The following PTPRS variants were observed in gnomAD, a reference collection of about 807,000 sequenced individuals.
PTPRS encodes the protein protein tyrosine phosphatase receptor type S.
Under a neutral mutation model 215.3 loss-of-function variants are expected in PTPRS, and 63 were observed. The observed-to-expected ratio is 0.29, with a 90% CI of 0.24 to 0.36. The LOEUF is 0.36. PTPRS is among the 10% of genes least tolerant of loss of function. The pLI is 1.00. For synonymous variants in PTPRS, 1,404 were observed against 1,191.4 expected, an observed-to-expected ratio of 1.18 and a Z score of -3.68; for missense variants, 2,258 against 2,825.8, an observed-to-expected ratio of 0.80 and a Z score of 4.56.
In PTPRS at chr19:5,223,106, G is replaced by A. The variant is rs550128751; in HGVS notation, c.2686C>T (p.His896Tyr). ...SEDRYTASGV[H>Y]KGATYVFRLA... Reference sequence around the variant, plus strand: ...CGGAACACATACGTGGCCCCCTTGTGCACGCCTGATGCCGTGTAGCGGTCC... The same window carrying A: ...CGGAACACATACGTGGCCCCCTTGTACACGCCTGATGCCGTGTAGCGGTCC... Residue 896 changes from histidine (H) to tyrosine (Y), a missense_variant, in exon 18 of 38, where the codon CAC becomes TAC. Physicochemically the swap from His to Tyr is moderately conservative, Grantham distance 83 (BLOSUM62 2). This residue lies in a region of PTPRS where 361 missense variants were observed against 332.6 expected (regional missense o/e 1.09). Coordinates refer to ENST00000262963, the MANE Select transcript of PTPRS (RefSeq NM_002850.4). 21 of 1,566,696 alleles carry A rather than the reference G, an allele frequency of 1.3e-5. 2 individuals are homozygous for A. The South Asian group carries it at 1.8e-4, about 13-fold the overall frequency.
rs1426252388 is a variant in PTPRS, at chr19:5,294,006, A to G, written c.-94-7772T>C. Among the ~76,000 whole-genome samples the G allele has an allele frequency of 6.6e-6, 1 of 152,114 alleles. No individual in the cohort carries two copies. Among genetic ancestry groups the G allele is most frequent in the Non-Finnish European group, 1.5e-5 (1 of 68,004 alleles). ...CGTTGCGCCCGGGGTGCGGGTTTGA[A>G]AACTCCACCGGAGGGGCCCGGAATG... On this transcript the variant is annotated intron_variant, in intron 1 of 37. Coordinates refer to ENST00000262963, the MANE Select transcript of PTPRS (RefSeq NM_002850.4). This position sits in a 1 kb window ranked among gnomAD's most constrained non-coding sequence, Gnocchi z 5.1.
At chr19:5,256,845 T>A (rs1219650184) in intron 8 of PTPRS, among the ~76,000 whole-genome samples, 7 of 151,706 alleles carry the variant, frequency 4.6e-5, no homozygotes, top group Non-Finnish European at 7.4e-5. Context: ...GTGCTGTGGA[T>A]GGTAGGGACG....
rs149684985 is a variant in PTPRS at position 5,278,207 on chromosome 19, G to C, written c.92-3863C>G. ...CCAAAAAAAAAAAAAAAAGGGAGTG[G>C]GGGGTGGGGGAAAGGATGCTTTTTT... On this transcript the variant is annotated intron_variant, in intron 2 of 37. Transcript: ENST00000262963. 4.2e-3 allele frequency: 1,585 copies of C among 379,222 alleles called. 44 individuals are homozygous for C. The highest frequency in any genetic ancestry group is 0.016 in the East Asian group (294 of 18,808). The allele number at this position is 379,222 out of a possible 1,614,324, so 23.5% of individuals were successfully genotyped here. A position where few individuals can be genotyped will look rare whatever the true frequency, so the allele number is the denominator to read the frequency against.
intron 1 of PTPRS, among the ~76,000 whole-genome samples, chr19:5,305,438 T>C (rs577395627): frequency 2.0e-5 from 3 of 152,078 alleles, no homozygotes; most frequent in Non-Finnish European, 4.4e-5. Context: ...TTGTAGCTAC[T>C]CAGGAGGCTG....
chr19:5,239,408 TAGAG>T (rs772597210), intron 12 of PTPRS, among the ~76,000 whole-genome samples: 1 of 123,514 alleles, frequency 8.1e-6, no homozygotes, highest in African/African-American at 3.2e-5. Flanking sequence ...GTGACAGAGA[TAGAG>T]ACAGAGAAAC....
intron 12 of PTPRS, among the ~76,000 whole-genome samples, chr19:5,239,714 G>A (rs1158059790): frequency 6.6e-6 from 1 of 151,410 alleles, no homozygotes; most frequent in Non-Finnish European, 1.5e-5. Flanking sequence ...AATAGAGAGA[G>A]AGGAGAAAGA....
chr19:5,253,315 T>C (rs1040512366), intron 9 of PTPRS, among the ~76,000 whole-genome samples: 1 of 152,182 alleles, frequency 6.6e-6, no homozygotes, highest in Non-Finnish European at 1.5e-5. Context: ...CAGCCAAAGC[T>C]GGAGATCTGT....
chr19:5,211,268 G>A (rs2040853359), intron 33 of PTPRS, among the ~76,000 whole-genome samples: 1 of 152,184 alleles, frequency 6.6e-6, no homozygotes. Context: ...AGGATGCTGA[G>A]CAGCATGCCT....
chr19:5,265,286 G>A (rs1028297248), intron 4 of PTPRS, 90 bp from the exon 5 acceptor site: 78 of 1,256,202 alleles, frequency 6.2e-5, no homozygotes, highest in Non-Finnish European at 7.7e-5. Flanking sequence ...CCTGGCCACG[G>A]GTCCAGCTCC....
rs1342330815 is a variant in PTPRS at position 5,243,261 on chromosome 19, A to C, written c.1570+640T>G. Among the ~76,000 whole-genome samples the C allele has an allele frequency of 2.6e-5, 4 of 151,688 alleles. No individual in the cohort carries two copies. In the South Asian group the frequency reaches 8.4e-4, roughly 32 times the overall value. ...ATTCTCCTGCCTCAGCCTCCAGAGTAGCTGGGATTACAGGCACCCGCCACC... is the reference window on the plus strand; with the variant it reads ...ATTCTCCTGCCTCAGCCTCCAGAGTCGCTGGGATTACAGGCACCCGCCACC... On this transcript the variant is annotated intron_variant, in intron 11 of 37. Coordinates refer to ENST00000262963, the MANE Select transcript of PTPRS (RefSeq NM_002850.4).
intron 22 of PTPRS, 30 bp from the exon 23 acceptor site, chr19:5,219,497 G>A (rs2041785677): frequency 2.0e-6 from 3 of 1,537,334 alleles, no homozygotes; most frequent in Non-Finnish European, 2.6e-6. Context: ...GTCTCCATCA[G>A]TGTCCACCCT....
In PTPRS at chr19:5,229,556, G is replaced by C; in HGVS notation, c.2284C>G (p.Arg762Gly). The change falls in exon 15 of 38, where the codon CGC becomes GGC. Residue 762 changes from arginine (R) to glycine (G), a missense_variant. Physicochemically the swap from Arg to Gly is moderately radical, Grantham distance 125 (BLOSUM62 -2). Coordinates refer to ENST00000262963, the MANE Select transcript of PTPRS (RefSeq NM_002850.4). Reference sequence around the variant, plus strand: ...CCGCGGGCCTCGGCGCCCTCCATGCGCACGTAGTGGACCTGGTAGCCGCGG... The same window carrying C: ...CCGCGGGCCTCGGCGCCCTCCATGCCCACGTAGTGGACCTGGTAGCCGCGG... ...QIRGYQVHYV[R>G]MEGAEARGPP... 6.8e-7 allele frequency: 1 copy of C among 1,465,476 alleles called. No individual in the cohort carries two copies. Among genetic ancestry groups the C allele is most frequent in the Non-Finnish European group, 9.0e-7 (1 of 1,110,562 alleles). The allele number at this position is 1,465,476 out of a possible 1,614,324, so 90.8% of individuals were successfully genotyped here.
chr19:5,234,531 T>C (rs2043275062), intron 13 of PTPRS, among the ~76,000 whole-genome samples: 1 of 152,254 alleles, frequency 6.6e-6, no homozygotes, highest in Non-Finnish European at 1.5e-5. Flanking sequence ...GTCTCATTTA[T>C]TGAACATCTA....
At chr19:5,247,215 ATAAT>A (rs970217442) in intron 9 of PTPRS, among the ~76,000 whole-genome samples, 6 of 149,792 alleles carry the variant, frequency 4.0e-5, no homozygotes, top group East Asian at 1.9e-4. Context: ...AATAATAATA[ATAAT>A]TAATAATAAT....
chr19:5,229,305 G>GCGCTACTTACATATTCGGC lies in PTPRS; in HGVS notation c.2368_2376+10dup. The GCGCTACTTACATATTCGGC allele has an allele frequency of 5.8e-6, 8 of 1,380,036 alleles. No homozygotes were observed. In the South Asian group the frequency reaches 1.4e-4, roughly 25 times the overall value. 85.5% of individuals were successfully genotyped at this position (1,380,036 alleles called of 1,614,324 possible). A position where few individuals can be genotyped will look rare whatever the true frequency, so the allele number is the denominator to read the frequency against. On this transcript the variant is annotated intron_variant, in intron 16 of 37. Transcript: ENST00000262963. ...CACAGCAGTAGGTGGGTGGCCAGGG[G>GCGCTACTTACATATTCGGC]CGCTACTTACATATTCGGCCGTGTC...
At chr19:5,264,226 C>T (rs1038534027) in intron 5 of PTPRS, among the ~76,000 whole-genome samples, 1 of 152,044 alleles carries the variant, frequency 6.6e-6, no homozygotes, top group East Asian at 1.9e-4. Context: ...CTCCCCATCA[C>T]CTTACTTGTC....
rs1356381371 is a variant in PTPRS, at chr19:5,237,378, C to T, written c.1849+1541G>A. On this transcript the variant is annotated intron_variant, in intron 13 of 37. Coordinates refer to ENST00000262963, the MANE Select transcript of PTPRS (RefSeq NM_002850.4). The surrounding 1 kb of genome is among the most constrained non-coding windows in gnomAD (Gnocchi z 4.2). ...TCTCGGGGCAAGAAGCGGGGAGTCC[C>T]TTCTCCCCAACTCCCTGTCCTGGGC... Among the ~76,000 whole-genome samples the T allele has an allele frequency of 6.6e-6, 1 of 152,242 alleles. No homozygotes were observed. Among genetic ancestry groups the T allele is most frequent in the Non-Finnish European group, 1.5e-5 (1 of 68,046 alleles).
At chr19:5,269,644 C>G (rs1198200330) in intron 4 of PTPRS, among the ~76,000 whole-genome samples, 1 of 151,864 alleles carries the variant, frequency 6.6e-6, no homozygotes, top group East Asian at 1.9e-4. Context: ...GGTGTGGGCT[C>G]GGCACGGTGG....
chr19:5,309,434 G>C (rs1047227446), intron 1 of PTPRS, among the ~76,000 whole-genome samples: 2 of 152,158 alleles, frequency 1.3e-5, no homozygotes, highest in African/African-American at 4.8e-5. Flanking sequence ...ATTTATCTCA[G>C]ATGGGGAAAC....
Sources: allele counts gnomAD v4.1 joint callset (sites outside exome capture counted in the v4.1 genomes callset), GRCh38; gene constraint gnomAD v4.1.1; regional missense constraint gnomAD v4.1.1; non-coding constraint Gnocchi (gnomAD v3.1); transcripts MANE v1.5; gene names NCBI Gene and HGNC (gene_info 2026-07-23, HGNC 2026-07-21).